Variants in CORO7 observed in about 807,000 individuals in gnomAD.
The protein encoded by CORO7 is coronin-7.
Under a neutral mutation model 126.6 loss-of-function variants are expected in CORO7, and 107 were observed. The ratio of observed to expected loss-of-function variants is 0.85; its 90% CI spans 0.72 to 0.99. CORO7 has a LOEUF of 0.99. Among genes scored for constraint, CORO7 ranks in the 50% least tolerant of loss-of-function variants. The probability of loss-of-function intolerance (pLI) is 0.00; values close to 1 mark genes in which losing one functional copy is unlikely to be tolerated. For missense variants in CORO7, 1,314 were observed against 1,255.8 expected, an observed-to-expected ratio of 1.05 and a Z score of -0.70; for synonymous variants, 603 against 536.8, an observed-to-expected ratio of 1.12 and a Z score of -1.70.
At chr16:4,379,511 C>T (rs1233640637) in intron 9 of CORO7, among the ~76,000 whole-genome samples, 2 of 152,152 alleles carry the variant, frequency 1.3e-5, no homozygotes, top group Non-Finnish European at 2.9e-5. Context: ...CACACCTGGG[C>T]TCTAGCTCGG....
intron 9 of CORO7, among the ~76,000 whole-genome samples, chr16:4,368,850 T>A (rs1338338630): frequency 3.4e-5 from 5 of 148,594 alleles, no homozygotes; most frequent in African/African-American, 1.3e-4. Flanking sequence ...TGGCACAGAG[T>A]AGGGATCACA....
intron 9 of CORO7, among the ~76,000 whole-genome samples, chr16:4,384,786 G>T (rs1012654154): frequency 6.6e-6 from 1 of 152,212 alleles, no homozygotes; most frequent in Non-Finnish European, 1.5e-5. Flanking sequence ...GGCAGCCCAG[G>T]TGGATTTCCT....
In CORO7 at chr16:4,354,780, G is replaced by C. The variant is rs2141164925; in HGVS notation, c.*378C>G. The C allele has an allele frequency of 3.7e-6, 1 of 273,206 alleles. No homozygotes were observed. Among genetic ancestry groups the C allele is most frequent in the African/African-American group, 2.2e-5 (1 of 45,842 alleles). 16.9% of individuals were successfully genotyped at this position (273,206 alleles called of 1,614,324 possible). On this transcript the variant is annotated 3_prime_UTR_variant, in exon 28 of 28. Transcript: ENST00000251166. ...CAGAACTGGAACAGCAGGCAAGATG[G>C]GGCAGCGTGGGGTGACCAAAGATCC...
At position 4,360,748 on chromosome 16, in the gene CORO7, G is replaced by A. The variant is rs150969080; in HGVS notation, c.1917+195C>T. 3.7e-3 allele frequency among the ~76,000 whole-genome samples: 275 copies of A among 75,096 alleles called. 1 individual carries two copies. Among genetic ancestry groups the A allele is most frequent in the Middle Eastern group, 0.024 (2 of 84 alleles). The allele number at this position is 75,096 out of a possible 152,430, so 49.3% of individuals were successfully genotyped here. On this transcript the variant is annotated intron_variant, in intron 19 of 27. Transcript: ENST00000251166. ...CCCCCCTTCTCCTCAATGCTAGCCCGGCCCCTCCTCACCGCTGGCCCTGCC... is the reference window on the plus strand; with the variant it reads ...CCCCCCTTCTCCTCAATGCTAGCCCAGCCCCTCCTCACCGCTGGCCCTGCC...
intron 7 of CORO7, among the ~76,000 whole-genome samples, chr16:4,391,818 C>G (rs1204906027): frequency 6.6e-6 from 1 of 152,220 alleles, no homozygotes; most frequent in East Asian, 1.9e-4. Flanking sequence ...CAGCTGGGAC[C>G]CAGGCATCCT....
At position 4,415,887 on chromosome 16, in the gene CORO7, C is replaced by G. The variant is rs2056390444; in HGVS notation, c.60+572G>C. The G allele has an allele frequency of 3.0e-6, 3 of 985,606 alleles. No homozygotes were observed. In the Admixed American group the frequency reaches 1.8e-4, roughly 61 times the overall value. The allele number at this position is 985,606 out of a possible 1,614,324, so 61.1% of individuals were successfully genotyped here. A position where few individuals can be genotyped will look rare whatever the true frequency, so the allele number is the denominator to read the frequency against. On this transcript the variant is annotated intron_variant, in intron 1 of 27. Transcript: ENST00000251166. The stretch of plus-strand genomic sequence containing the variant: ...GCCCCACCCAGCCGTGGCAGCATCA[C>G]CGAGATAAAGAAAGAGCTTGCGCCA...
Position 4,358,090 on chromosome 16 carries a change from TG to T in CORO7, c.2470del (p.Gln824ArgfsTer10). 6.2e-7 allele frequency: 1 copy of T among 1,612,342 alleles called. No individual in the cohort carries two copies. The highest frequency in any genetic ancestry group is 8.5e-7 in the Non-Finnish European group (1 of 1,178,878). On this transcript the variant is annotated frameshift_variant, in exon 25 of 28. Coordinates refer to ENST00000251166, the MANE Select transcript of CORO7 (RefSeq NM_024535.5). LOFTEE classifies it high-confidence loss of function. ...AGCCGTGTCTGGGAACACGTCATCC[TG>T]GAAGAACTCTTTCTGCAGAGGGAGA... is the stretch of plus-strand genomic sequence containing the variant. ...RLPRVRKEFF[Q>X]DDVFPDTAVI...
chr16:4,413,069 G>T, intron 2 of CORO7: 1 of 443,110 alleles, frequency 2.3e-6, no homozygotes, highest in Non-Finnish European at 4.0e-6. Context: ...CAGCCCTCCT[G>T]GCCATGCTCT....
chr16:4,402,390 G>A (rs939048496), intron 6 of CORO7, among the ~76,000 whole-genome samples: 5 of 152,116 alleles, frequency 3.3e-5, no homozygotes, highest in Non-Finnish European at 5.9e-5. Flanking sequence ...GACCACAGGC[G>A]CGTGCCACCA....
chr16:4,362,711 G>A lies in CORO7; in HGVS notation c.1303C>T (p.Leu435=). Residue 435 remains leucine (L), a synonymous_variant, in exon 15 of 28, where the codon CTG becomes TTG. Transcript: ENST00000251166. The surrounding 1 kb of genome is among the most constrained non-coding windows in gnomAD (Gnocchi z 5.3). The part of the protein sequence containing the change: ...SEGFSSPPSS[L]TSPSTPSSLG... ...CTGGAGGGCGTGGAGGGCGAGGTCA[G>A]CGAACTGGGAGGGGAAGAGAAACCC... is the stretch of plus-strand genomic sequence containing the variant. 1 of 1,449,340 alleles carries A rather than the reference G, an allele frequency of 6.9e-7. No homozygotes were observed. Among genetic ancestry groups the A allele is most frequent in the Non-Finnish European group, 9.1e-7 (1 of 1,096,700 alleles). The allele number at this position is 1,449,340 out of a possible 1,614,324, so 89.8% of individuals were successfully genotyped here.
Position 4,362,947 on chromosome 16 carries a change from T to C in CORO7, c.1276-209A>G. On this transcript the variant is annotated intron_variant, in intron 14 of 27. Transcript: ENST00000251166. This position sits in a 1 kb window ranked among gnomAD's most constrained non-coding sequence, Gnocchi z 5.3. ...AGCTTCAGACCGCGGGGACAGCAAG[T>C]GGCAGCTGCTGGCTCCCAGCCCTGC... 4.4e-6 allele frequency: 2 copies of C among 458,428 alleles called. No homozygotes were observed. The highest frequency in any genetic ancestry group is 3.6e-6 in the Non-Finnish European group (1 of 281,182). The allele number at this position is 458,428 out of a possible 1,614,324, so 28.4% of individuals were successfully genotyped here.
intron 8 of CORO7, 136 bp downstream of exon 8, chr16:4,388,409 A>G (rs1374675946): frequency 2.1e-6 from 2 of 970,196 alleles, no homozygotes; most frequent in African/African-American, 3.3e-5. Flanking sequence ...GAGACCCGGC[A>G]GCACAGCCAG....
At chr16:4,381,345 G>A (rs2054952791) in intron 9 of CORO7, 1 of 1,606,362 alleles carries the variant, frequency 6.2e-7, no homozygotes, top group African/African-American at 1.3e-5. Flanking sequence ...TCAAGCTGCA[G>A]GACAACGAGC....
At chr16:4,366,703 G>C (rs1355650374) in intron 9 of CORO7, among the ~76,000 whole-genome samples, 3 of 151,948 alleles carry the variant, frequency 2.0e-5, no homozygotes, top group Non-Finnish European at 4.4e-5. Context: ...ACCATGGCTG[G>C]CTATTTTTAC....
At chr16:4,384,397 C>A (rs1003023831) in intron 9 of CORO7, among the ~76,000 whole-genome samples, 1 of 152,218 alleles carries the variant, frequency 6.6e-6, no homozygotes, top group Admixed American at 6.5e-5. Flanking sequence ...GATGGACACA[C>A]AGCACCTTTT....
At chr16:4,388,122 G>C in intron 8 of CORO7, 54 bp from the exon 9 acceptor site, 3 of 1,568,984 alleles carry the variant, frequency 1.9e-6, no homozygotes, top group South Asian at 2.3e-5. Context: ...AGCCCCACCC[G>C]GGGGGCTCCC....
rs375655768 is a variant in CORO7 at position 4,358,414 on chromosome 16, G to A, written c.2410C>T (p.Arg804Cys). ...GCCACAGGCTCCAGGGAGGACTGAC[G>A]CAGCCGCAGGCACCGCATCAGCTCC... is the stretch of plus-strand genomic sequence containing the variant. ...EVELMRCLRL[R>C]QSSLEPVAFR... The change falls in exon 24 of 28, where the codon CGT becomes TGT. Residue 804 changes from arginine (R) to cysteine (C), a missense_variant. Coordinates refer to ENST00000251166, the MANE Select transcript of CORO7 (RefSeq NM_024535.5). The A allele has an allele frequency of 3.3e-5, 54 of 1,612,380 alleles. No individual in the cohort carries two copies. The highest frequency in any genetic ancestry group is 2.9e-4 in the African/African-American group (22 of 75,026).
Position 4,405,483 on chromosome 16 carries a change from C to A in CORO7, c.564+8G>T, listed in dbSNP as rs2055963604. The A allele has an allele frequency of 1.9e-6, 3 of 1,611,440 alleles. No homozygotes were observed. Among genetic ancestry groups the A allele is most frequent in the East Asian group, 4.5e-5 (2 of 44,874 alleles). On this transcript the variant is annotated splice_region_variant and intron_variant, in intron 6 of 27. Transcript: ENST00000251166. ...AGCCCCACAGGGCATCCCCACCTGC[C>A]TGCTCACCTTGCACGCCGTGCCCAC... is the stretch of plus-strand genomic sequence containing the variant.
Position 4,362,016 on chromosome 16 carries a change from A to G in CORO7, c.1547T>C (p.Leu516Pro). 1.2e-6 allele frequency: 2 copies of G among 1,611,916 alleles called. No homozygotes were observed. The highest frequency in any genetic ancestry group is 1.7e-6 in the Non-Finnish European group (2 of 1,179,482). The part of the protein sequence containing the change: ...ANKLRVAVPL[L>P]SSGGQVAVLE... Reference sequence around the variant, plus strand: ...CACAGCCACCTGTCCCCCGCTGCTGAGCAGCGGCACGGCCACACGCAGCTT... The same window carrying G: ...CACAGCCACCTGTCCCCCGCTGCTGGGCAGCGGCACGGCCACACGCAGCTT... Residue 516 changes from leucine to proline, a missense_variant, in exon 16 of 28, where the codon CTC (leucine) becomes CCC (proline). Transcript: ENST00000251166. This position sits in a 1 kb window ranked among gnomAD's most constrained non-coding sequence, Gnocchi z 5.3.
Sources: gnomAD v4.1 joint callset for allele counts (sites outside exome capture counted in the v4.1 genomes callset) on GRCh38, gnomAD v4.1.1 for gene constraint, Gnocchi (gnomAD v3.1) non-coding constraint, MANE v1.5 for transcripts, NCBI Gene and HGNC (gene_info 2026-07-23, HGNC 2026-07-21) for gene names.